The following ARHGAP21 variants were observed in gnomAD, a reference collection of about 807,000 sequenced individuals.
ARHGAP21 encodes rho GTPase-activating protein 21.
A neutral mutation model predicts 164.6 loss-of-function variants in ARHGAP21; 38 were observed. The ratio of observed to expected loss-of-function variants is 0.23; its 90% CI spans 0.18 to 0.30. The LOEUF (loss-of-function observed/expected upper bound fraction) is 0.30, where lower values mean the gene tolerates loss of function less well. Among genes scored for constraint, ARHGAP21 ranks in the 10% least tolerant of loss-of-function variants. The pLI is 1.00. For synonymous variants in ARHGAP21, 766 were observed against 857.9 expected (o/e 0.89, Z 1.87); for missense variants, 1,822 against 2,370.7 (o/e 0.77, Z 4.81).
At chr10:24,641,828 T>C (rs1177821499) in intron 4 of ARHGAP21, among the ~76,000 whole-genome samples, 1 of 151,870 alleles carries the variant, frequency 6.6e-6, no homozygotes, top group Non-Finnish European at 1.5e-5. Context: ...ACCCTGTCTC[T>C]ACTAAAAACA....
intron 19 of ARHGAP21, 37 bp downstream of exon 19, chr10:24,595,680 C>T (rs1233966438): frequency 6.4e-7 from 1 of 1,571,586 alleles, no homozygotes; most frequent in African/African-American, 1.4e-5. Context: ...GTAACTTGAA[C>T]CATTTCATCT....
intron 2 of ARHGAP21, among the ~76,000 whole-genome samples, chr10:24,694,894 T>C (rs762346735): frequency 6.6e-6 from 1 of 151,442 alleles, no homozygotes; most frequent in African/African-American, 2.4e-5. Context: ...CTACTAAAAA[T>C]AGAAAAATTA....
At chr10:24,648,091 G>A (rs1336307142) in intron 4 of ARHGAP21, among the ~76,000 whole-genome samples, 5 of 152,018 alleles carry the variant, frequency 3.3e-5, no homozygotes, top group African/African-American at 1.2e-4. Flanking sequence ...CACCCACCCC[G>A]GCCTCCCATA....
Position 24,600,228 on chromosome 10 carries a change from GAC to G in ARHGAP21, c.3132+416_3132+417del, listed in dbSNP as rs562104995. 3.9e-3 allele frequency among the ~76,000 whole-genome samples: 577 copies of G among 149,162 alleles called. 1 individual carries two copies. The highest frequency in any genetic ancestry group is 0.014 in the Middle Eastern group (4 of 282). On this transcript the variant is annotated intron_variant, in intron 14 of 25. Transcript: ENST00000396432. ...TGACAGTAGGCTATTCCATATTCTTGACTGTATAGTTCTCTTAACAAAAATCA... is the reference window on the plus strand; with the variant it reads ...TGACAGTAGGCTATTCCATATTCTTGTGTATAGTTCTCTTAACAAAAATCA...
chr10:24,682,223 G>C (rs980175382), intron 2 of ARHGAP21, among the ~76,000 whole-genome samples: 1 of 151,604 alleles, frequency 6.6e-6, no homozygotes, highest in East Asian at 1.9e-4. Context: ...ATATTGTTTT[G>C]TCTGAAAGGA....
intron 7 of ARHGAP21, chr10:24,628,906 C>CACATATATACATATATAT: frequency 1.4e-4 from 9 of 62,306 alleles, no homozygotes; most frequent in African/African-American, 4.5e-4. Context: ...TACATATATA[C>CACATATATACATATATAT]ACATATATAC....
At chr10:24,714,560 T>A (rs1007388189) in intron 2 of ARHGAP21, among the ~76,000 whole-genome samples, 1 of 152,224 alleles carries the variant, frequency 6.6e-6, no homozygotes, top group African/African-American at 2.4e-5. Context: ...TTCTCAATTC[T>A]AACAGGTTTT....
At chr10:24,689,962 GTGTA>G (rs1842615374) in intron 2 of ARHGAP21, among the ~76,000 whole-genome samples, 2 of 147,236 alleles carry the variant, frequency 1.4e-5, no homozygotes, top group Admixed American at 1.4e-4. Flanking sequence ...GTGTGTGTGT[GTGTA>G]TATACACATA....
At chr10:24,643,948 G>A (rs984398368) in intron 4 of ARHGAP21, among the ~76,000 whole-genome samples, 2 of 151,986 alleles carry the variant, frequency 1.3e-5, no homozygotes, top group African/African-American at 4.8e-5. Flanking sequence ...GACTTCAAGC[G>A]ATCCTCCTGC....
At chr10:24,679,686 C>A (rs1403317233) in intron 2 of ARHGAP21, among the ~76,000 whole-genome samples, 1 of 152,134 alleles carries the variant, frequency 6.6e-6, no homozygotes, top group East Asian at 1.9e-4. Context: ...TCACTGTGAT[C>A]TTAATTTGTA....
At chr10:24,673,600 G>A (rs1024875803) in intron 2 of ARHGAP21, among the ~76,000 whole-genome samples, 3 of 152,106 alleles carry the variant, frequency 2.0e-5, no homozygotes, top group East Asian at 1.9e-4. Context: ...GGTGGCTCAC[G>A]CCTGTAATCC....
At chr10:24,691,679 A>C (rs1426775299) in intron 2 of ARHGAP21, among the ~76,000 whole-genome samples, 1 of 152,202 alleles carries the variant, frequency 6.6e-6, no homozygotes, top group Non-Finnish European at 1.5e-5. Flanking sequence ...TTTCAACATA[A>C]TGTATTTCTG....
chr10:24,715,983 T>C (rs1266679726), intron 2 of ARHGAP21, among the ~76,000 whole-genome samples: 1 of 152,212 alleles, frequency 6.6e-6, no homozygotes, highest in Non-Finnish European at 1.5e-5. Context: ...CACTCAAGCC[T>C]GCGTGACAAT....
At chr10:24,634,757 C>T (rs1836200174) in intron 5 of ARHGAP21, among the ~76,000 whole-genome samples, 2 of 152,242 alleles carry the variant, frequency 1.3e-5, no homozygotes, top group South Asian at 4.1e-4. Context: ...TTTAAAGAGC[C>T]TCTAAGAGTC....
intron 12 of ARHGAP21, among the ~76,000 whole-genome samples, chr10:24,602,594 G>A (rs1018247064): frequency 2.6e-5 from 4 of 152,140 alleles, no homozygotes; most frequent in African/African-American, 9.7e-5. Flanking sequence ...TTAAATGTTC[G>A]CTGATTAATG....
chr10:24,642,514 C>CAAA (rs57154901), intron 4 of ARHGAP21, among the ~76,000 whole-genome samples: 1 of 47,856 alleles, frequency 2.1e-5, no homozygotes, highest in Non-Finnish European at 4.7e-5. Flanking sequence ...GACTCCGTCT[C>CAAA]AAAAAAAAAA....
intron 2 of ARHGAP21, among the ~76,000 whole-genome samples, chr10:24,692,565 C>T (rs938642485): frequency 1.3e-5 from 2 of 152,212 alleles, no homozygotes; most frequent in African/African-American, 4.8e-5. Flanking sequence ...GACTCCATGG[C>T]TCACGCATAT....
At chr10:24,710,702 A>G (rs546266293) in intron 2 of ARHGAP21, among the ~76,000 whole-genome samples, 3 of 152,370 alleles carry the variant, frequency 2.0e-5, no homozygotes, top group African/African-American at 7.2e-5. Flanking sequence ...GTTTGGCACT[A>G]GATCAAATTT....
At chr10:24,717,770 G>C (rs947056777) in intron 2 of ARHGAP21, among the ~76,000 whole-genome samples, 2 of 152,134 alleles carry the variant, frequency 1.3e-5, no homozygotes, top group African/African-American at 4.8e-5. Context: ...GTAATGTAAC[G>C]ATCAGCTGGA....
Sources: gnomAD v4.1 joint callset for allele counts (sites outside exome capture counted in the v4.1 genomes callset) on GRCh38, gnomAD v4.1.1 for gene constraint, MANE v1.5 for transcripts, NCBI Gene and HGNC (gene_info 2026-07-23, HGNC 2026-07-21) for gene names.